Variants in CNTN5 observed in about 807,000 individuals in gnomAD.
CNTN5 encodes contactin-5.
Under a neutral mutation model 129.1 loss-of-function variants are expected in CNTN5, and 77 were observed. The ratio of observed to expected loss-of-function variants is 0.60; its 90% CI spans 0.50 to 0.72. The LOEUF (loss-of-function observed/expected upper bound fraction) is 0.72. Among genes scored for constraint, CNTN5 ranks in the 30% least tolerant of loss-of-function variants. CNTN5 has a pLI of 0.00. For synonymous variants in CNTN5, 509 were observed against 465.6 expected (o/e 1.09, Z -1.20); for missense variants, 1,478 against 1,328.8 (o/e 1.11, Z -1.75).
intron 3 of CNTN5, among the ~76,000 whole-genome samples, chr11:99,644,320 T>A (rs1277310636): frequency 1.3e-5 from 2 of 152,188 alleles, no homozygotes; most frequent in Non-Finnish European, 2.9e-5. Context: ...TACCTCACAA[T>A]TGGCAAGGTC....
chr11:100,318,819 CAAAAAG>C (rs1951620265), intron 21 of CNTN5, among the ~76,000 whole-genome samples: 1 of 151,798 alleles, frequency 6.6e-6, no homozygotes, highest in African/African-American at 2.4e-5. Context: ...TGTTTAAACA[CAAAAAG>C]AAAAAGGTTT....
chr11:99,864,182 C>T (rs1948292251), intron 6 of CNTN5, among the ~76,000 whole-genome samples: 1 of 151,992 alleles, frequency 6.6e-6, no homozygotes, highest in Non-Finnish European at 1.5e-5. Flanking sequence ...ATATTATAGT[C>T]ACTTATATAC....
intron 1 of CNTN5, among the ~76,000 whole-genome samples, chr11:99,248,437 C>G (rs1040691021): frequency 1.4e-4 from 21 of 152,074 alleles, no homozygotes; most frequent in Non-Finnish European, 2.5e-4. Flanking sequence ...ATGGTAGTTT[C>G]TTTTGCTGTG....
At chr11:99,234,747 A>C (rs1861179464) in intron 1 of CNTN5, among the ~76,000 whole-genome samples, 1 of 151,912 alleles carries the variant, frequency 6.6e-6, no homozygotes, top group Non-Finnish European at 1.5e-5. Context: ...AATAACAATG[A>C]TAATTAATAA....
intron 13 of CNTN5, among the ~76,000 whole-genome samples, chr11:100,146,493 C>CTGTT (rs1946855046): frequency 6.6e-6 from 1 of 152,066 alleles, no homozygotes; most frequent in Admixed American, 6.6e-5. Flanking sequence ...CAGAAACAGC[C>CTGTT]TGTTAGCTTC....
At chr11:99,332,421 C>G (rs1866038089) in intron 2 of CNTN5, among the ~76,000 whole-genome samples, 1 of 152,030 alleles carries the variant, frequency 6.6e-6, no homozygotes, top group Non-Finnish European at 1.5e-5. Context: ...GTATCTTATA[C>G]CAATCTGTGC....
chr11:99,906,475 A>G (rs568046120), intron 6 of CNTN5, among the ~76,000 whole-genome samples: 2 of 152,258 alleles, frequency 1.3e-5, no homozygotes, highest in Admixed American at 1.3e-4. Context: ...CCAGCCTTGA[A>G]TACCAGGGAT....
intron 1 of CNTN5, among the ~76,000 whole-genome samples, chr11:99,035,697 A>G (rs1863684760): frequency 6.6e-6 from 1 of 151,738 alleles, no homozygotes; most frequent in African/African-American, 2.4e-5. Flanking sequence ...TGAATACAGC[A>G]CACTGATGGG....
chr11:100,002,212 TTTGCTAGG>T, intron 9 of CNTN5, 76 bp downstream of exon 9: 1 of 977,114 alleles, frequency 1.0e-6, no homozygotes, highest in Non-Finnish European at 1.5e-6. Context: ...GATCACTTAT[TTTGCTAGG>T]TGTCATTTCC....
chr11:99,579,170 G>A (rs1461343742), intron 3 of CNTN5, among the ~76,000 whole-genome samples: 1 of 152,120 alleles, frequency 6.6e-6, no homozygotes, highest in Admixed American at 6.5e-5. Flanking sequence ...TGAGGGCTCT[G>A]TTCTGTTCCA....
intron 2 of CNTN5, among the ~76,000 whole-genome samples, chr11:99,383,116 A>G (rs1350570835): frequency 1.3e-5 from 2 of 151,864 alleles, no homozygotes; most frequent in Non-Finnish European, 2.9e-5. Context: ...TGGCCTCCCA[A>G]AGTGCTGGGA....
At chr11:99,244,114 AT>A (rs1217269451) in intron 1 of CNTN5, among the ~76,000 whole-genome samples, 1 of 151,924 alleles carries the variant, frequency 6.6e-6, no homozygotes, top group Non-Finnish European at 1.5e-5. Flanking sequence ...TGTTTTTTCC[AT>A]TTGTTTGTGT....
At chr11:100,289,604 G>A (rs946812659) in intron 18 of CNTN5, among the ~76,000 whole-genome samples, 2,440 of 152,080 alleles carry the variant, frequency 0.016, 70 homozygotes, top group African/African-American at 0.056. Flanking sequence ...TTGATGGGAC[G>A]TATCTCAAAA....
At chr11:99,499,282 A>G (rs1263204325) in intron 2 of CNTN5, among the ~76,000 whole-genome samples, 1 of 152,124 alleles carries the variant, frequency 6.6e-6, no homozygotes, top group Non-Finnish European at 1.5e-5. Flanking sequence ...CCCCTCCAAA[A>G]TTCAAATGTT....
Position 99,653,128 on chromosome 11 carries a change from CAGGG to C in CNTN5, c.55+96862_55+96865del, listed in dbSNP as rs1241832226. ...ACTTTGAAAAATAGGGCAATAATGA[CAGGG>C]AGATCCATATTAAATACAAGGTAAG... is the stretch of plus-strand genomic sequence containing the variant. On this transcript the variant is annotated intron_variant, in intron 3 of 24. Transcript: ENST00000524871. Among the ~76,000 whole-genome samples the C allele has an allele frequency of 3.3e-5, 5 of 151,976 alleles. 1 individual carries two copies. The highest frequency in any genetic ancestry group is 6.8e-3 in the Middle Eastern group (2 of 294).
At chr11:99,839,843 A>G (rs1490709185) in intron 4 of CNTN5, among the ~76,000 whole-genome samples, 1 of 152,130 alleles carries the variant, frequency 6.6e-6, no homozygotes, top group African/African-American at 2.4e-5. Flanking sequence ...AAGATAAACC[A>G]TTACACAGTT....
chr11:99,228,149 C>T (rs560910649), intron 1 of CNTN5, among the ~76,000 whole-genome samples: 1 of 151,852 alleles, frequency 6.6e-6, no homozygotes, highest in African/African-American at 2.4e-5. Flanking sequence ...TTTACTGGTT[C>T]CCAAGAAATG....
At chr11:100,104,061 T>C (rs943621615) in intron 13 of CNTN5, among the ~76,000 whole-genome samples, 1 of 151,572 alleles carries the variant, frequency 6.6e-6, no homozygotes, top group African/African-American at 2.4e-5. Flanking sequence ...ACAAAACAGA[T>C]GAAAGCTCTG....
intron 8 of CNTN5, among the ~76,000 whole-genome samples, chr11:99,960,628 T>C (rs1258738421): frequency 6.6e-6 from 1 of 152,154 alleles, no homozygotes; most frequent in Non-Finnish European, 1.5e-5. Flanking sequence ...TTAATAAGAA[T>C]GCAGTATAGT....
Sources: gnomAD v4.1 joint callset for allele counts (sites outside exome capture counted in the v4.1 genomes callset) on GRCh38, gnomAD v4.1.1 for gene constraint, MANE v1.5 for transcripts, NCBI Gene and HGNC (gene_info 2026-07-23, HGNC 2026-07-21) for gene names.